The following NTRK2 variants were observed in gnomAD, a reference collection of about 807,000 sequenced individuals.
NTRK2 encodes neurotrophic receptor tyrosine kinase 2.
Under a neutral mutation model 94.5 loss-of-function variants are expected in NTRK2, and 13 were observed. The ratio of observed to expected loss-of-function variants is 0.14; its 90% CI spans 0.09 to 0.22. NTRK2 has a LOEUF of 0.22. Among genes scored for constraint, NTRK2 ranks in the 10% least tolerant of loss-of-function variants. The probability of loss-of-function intolerance (pLI) is 1.00; values close to 1 mark genes in which losing one functional copy is unlikely to be tolerated. For synonymous variants in NTRK2, 372 were observed against 407.4 expected (o/e 0.91, Z 1.05); for missense variants, 639 against 1,071.2 (o/e 0.60, Z 5.63).
intron 12 of NTRK2, among the ~76,000 whole-genome samples, chr9:84,778,570 T>C (rs2067269678): frequency 6.6e-6 from 1 of 152,210 alleles, no homozygotes; most frequent in Non-Finnish European, 1.5e-5. Flanking sequence ...TGAGGCTTTG[T>C]GCCTCTTCAA....
chr9:84,872,367 G>T (rs1166049779), intron 14 of NTRK2: 6 of 1,094,452 alleles, frequency 5.5e-6, no homozygotes, highest in Non-Finnish European at 6.7e-6. Context: ...TCTCTTGAAG[G>T]GCAGGAGTGT....
At chr9:85,012,896 T>C (rs1831785295) in intron 17 of NTRK2, among the ~76,000 whole-genome samples, 1 of 152,186 alleles carries the variant, frequency 6.6e-6, no homozygotes, top group Non-Finnish European at 1.5e-5. Flanking sequence ...TGACAAAATA[T>C]TGTTAGCATT....
At chr9:84,967,537 C>T (rs1252127219) in intron 17 of NTRK2, among the ~76,000 whole-genome samples, 2 of 152,270 alleles carry the variant, frequency 1.3e-5, no homozygotes, top group Non-Finnish European at 2.9e-5. Context: ...ACAGTTTCTT[C>T]CCTACATGGC....
chr9:84,745,913 A>G (rs2064026918), intron 11 of NTRK2, among the ~76,000 whole-genome samples: 2 of 152,290 alleles, frequency 1.3e-5, no homozygotes, highest in South Asian at 2.1e-4. Flanking sequence ...ACATGATCCC[A>G]GGGGTCTATG....
intron 12 of NTRK2, among the ~76,000 whole-genome samples, chr9:84,756,637 A>C (rs929630304): frequency 2.0e-5 from 3 of 152,310 alleles, no homozygotes; most frequent in Non-Finnish European, 2.9e-5. Flanking sequence ...GAAATATCTA[A>C]ATGACCCTAA....
chr9:84,926,169 C>CCTTTCTTTCTTTCTTTCTTT (rs869183621), intron 14 of NTRK2, among the ~76,000 whole-genome samples: 18 of 38,564 alleles, frequency 4.7e-4, no homozygotes, highest in East Asian at 1.7e-3. Context: ...TTCCTTCCTT[C>CCTTTCTTTCTTTCTTTCTTT]CTTTCTTTCT....
intron 9 of NTRK2, among the ~76,000 whole-genome samples, chr9:84,737,268 AT>A (rs574325597): frequency 7.3e-5 from 11 of 151,600 alleles, no homozygotes; most frequent in African/African-American, 1.9e-4. Flanking sequence ...CCCACAATAT[AT>A]TTTTTTTTAT....
intron 2 of NTRK2, among the ~76,000 whole-genome samples, chr9:84,676,940 T>A (rs2059095574): frequency 7.2e-6 from 1 of 139,122 alleles, no homozygotes; most frequent in Non-Finnish European, 1.5e-5. Context: ...ATATATTTTC[T>A]GTTTAGCTTA....
At chr9:84,801,681 G>A (rs1467890042) in intron 12 of NTRK2, among the ~76,000 whole-genome samples, 1 of 152,176 alleles carries the variant, frequency 6.6e-6, no homozygotes, top group Non-Finnish European at 1.5e-5. Flanking sequence ...ATGTTTGGTA[G>A]GCTAGGTGTA....
chr9:84,875,063 A>G, intron 14 of NTRK2: 1 of 1,060,576 alleles, frequency 9.4e-7, no homozygotes, highest in Non-Finnish European at 1.1e-6. Context: ...ATGTAATTCC[A>G]CCAGTTAGAG....
chr9:84,875,954 T>G (rs1363465673), intron 14 of NTRK2: 2 of 1,039,480 alleles, frequency 1.9e-6, no homozygotes, highest in Non-Finnish European at 2.3e-6. Context: ...ATTAGATATG[T>G]GTGATTTCAG....
chr9:84,733,440 C>A (rs890550815), intron 9 of NTRK2, among the ~76,000 whole-genome samples: 5 of 152,206 alleles, frequency 3.3e-5, no homozygotes, highest in African/African-American at 1.2e-4. Flanking sequence ...AATGTGCCAG[C>A]TGTCTTTGGA....
intron 12 of NTRK2, among the ~76,000 whole-genome samples, chr9:84,783,856 A>G (rs1357279975): frequency 6.6e-6 from 1 of 152,086 alleles, no homozygotes; most frequent in African/African-American, 2.4e-5. Flanking sequence ...AGTTGACAGT[A>G]TGGACAGAAT....
chr9:84,695,896 A>G (rs1484505937), intron 2 of NTRK2, among the ~76,000 whole-genome samples: 2 of 152,158 alleles, frequency 1.3e-5, no homozygotes, highest in East Asian at 1.9e-4. Context: ...TTAGAGCATC[A>G]TCTCCTTCAA....
chr9:84,723,865 T>C (rs2062245583), intron 7 of NTRK2, among the ~76,000 whole-genome samples, 156 bp downstream of exon 7: 1 of 152,224 alleles, frequency 6.6e-6, no homozygotes, highest in Admixed American at 6.5e-5. Flanking sequence ...CTACTTATTC[T>C]TAATTAATAA....
intron 17 of NTRK2, among the ~76,000 whole-genome samples, chr9:85,005,724 CT>C (rs1386349144): frequency 6.6e-6 from 1 of 152,154 alleles, no homozygotes; most frequent in Non-Finnish European, 1.5e-5. Flanking sequence ...ACCCCAATAC[CT>C]GGAATGTAAC....
intron 2 of NTRK2, among the ~76,000 whole-genome samples, chr9:84,681,107 C>T (rs998859527): frequency 1.3e-5 from 2 of 152,198 alleles, no homozygotes; most frequent in Admixed American, 1.3e-4. Flanking sequence ...TCATCCATTA[C>T]TTATGTTACC....
At position 84,964,064 on chromosome 9, in the gene NTRK2, G is replaced by A. The variant is rs145466605; in HGVS notation, c.2172+8547G>A. Reference sequence around the variant, plus strand: ...CTGTATCTATCCTTAACCAGGTTCCGTTGATTGAGTTTTCTCCTTATTGTG... The same window carrying A: ...CTGTATCTATCCTTAACCAGGTTCCATTGATTGAGTTTTCTCCTTATTGTG... On this transcript the variant is annotated intron_variant, in intron 17 of 18. Transcript: ENST00000277120. Among the ~76,000 whole-genome samples the A allele has an allele frequency of 7.2e-5, 11 of 152,208 alleles. No individual in the cohort carries two copies. The East Asian group carries it at 1.2e-3, about 16-fold the overall frequency.
At chr9:84,691,579 C>T (rs550696727) in intron 2 of NTRK2, among the ~76,000 whole-genome samples, 1 of 152,142 alleles carries the variant, frequency 6.6e-6, no homozygotes, top group South Asian at 2.1e-4. Flanking sequence ...GGGCTGACAT[C>T]CTTTTATAAA....
Sources: allele counts gnomAD v4.1 joint callset (sites outside exome capture counted in the v4.1 genomes callset), GRCh38; gene constraint gnomAD v4.1.1; transcripts MANE v1.5; gene names NCBI Gene and HGNC (gene_info 2026-07-23, HGNC 2026-07-21).